The following RCAN3 variants were observed in gnomAD, a reference collection of about 807,000 sequenced individuals.
RCAN3 encodes the protein calcipressin-3.
A neutral mutation model predicts 21.9 loss-of-function variants in RCAN3; 19 were observed. The observed-to-expected ratio is 0.87, with a 90% CI of 0.61 to 1.27. RCAN3 has a LOEUF of 1.27. Among genes scored for constraint, RCAN3 ranks in the 50% most tolerant of loss-of-function variants. RCAN3 has a pLI of 0.00. For synonymous variants in RCAN3, 114 were observed against 112.3 expected (o/e 1.01, Z -0.09); for missense variants, 240 against 300.1 (o/e 0.80, Z 1.48).
chr1:24,526,960 A>G (rs1649320286), intron 2 of RCAN3, among the ~76,000 whole-genome samples: 1 of 152,148 alleles, frequency 6.6e-6, no homozygotes, highest in South Asian at 2.1e-4. Flanking sequence ...ATACTTACAT[A>G]TTCACCTTCC....
chr1:24,511,386 A>G (rs977053445), intron 1 of RCAN3, among the ~76,000 whole-genome samples: 2 of 152,144 alleles, frequency 1.3e-5, no homozygotes, highest in African/African-American at 4.8e-5. Flanking sequence ...CACAACATGT[A>G]TTCATTGATT....
chr1:24,532,653 G>C (rs1442691463), intron 3 of RCAN3, among the ~76,000 whole-genome samples: 3 of 150,412 alleles, frequency 2.0e-5, no homozygotes, highest in Non-Finnish European at 4.4e-5. Context: ...ATTATAGACT[G>C]TTTACAAGAA....
At position 24,535,267 on chromosome 1, in the gene RCAN3, G is replaced by T; in HGVS notation, c.716G>T (p.Cys239Phe). 1 of 1,545,418 alleles carries T rather than the reference G, an allele frequency of 6.5e-7. No homozygotes were observed. Among genetic ancestry groups the T allele is most frequent in the Non-Finnish European group, 8.7e-7 (1 of 1,152,660 alleles). ...TTGAATGAGCCCCAGACCTTTGATT[G>T]CGCGCTGTGAGGCCCTTGGTTGTGG... The part of the protein sequence containing the change: ...AALNEPQTFD[C>F]AL Residue 239 changes from cysteine (C) to phenylalanine (F), a missense_variant, in exon 5 of 5, where the codon TGC becomes TTC. Coordinates refer to ENST00000374395, the MANE Select transcript of RCAN3 (RefSeq NM_013441.4).
In RCAN3 at chr1:24,535,269, G is replaced by A. The variant is rs553942744; in HGVS notation, c.718G>A (p.Ala240Thr). 5.3e-5 allele frequency: 82 copies of A among 1,539,352 alleles called. 1 individual carries two copies. The South Asian group carries it at 9.9e-4, about 19-fold the overall frequency. Residue 240 changes from alanine to threonine, a missense_variant, in exon 5 of 5, where the codon GCG becomes ACG. Transcript: ENST00000374395. ...GAATGAGCCCCAGACCTTTGATTGC[G>A]CGCTGTGAGGCCCTTGGTTGTGGTG... is the stretch of plus-strand genomic sequence containing the variant. ...ALNEPQTFDC[A>T]L is the part of the protein sequence containing the mutation.
At chr1:24,513,233 T>C (rs959466948) in intron 1 of RCAN3, among the ~76,000 whole-genome samples, 4 of 151,728 alleles carry the variant, frequency 2.6e-5, no homozygotes, top group African/African-American at 9.7e-5. Context: ...CGAGACTCTG[T>C]CTCAAAAAAA....
At chr1:24,519,188 G>A (rs1346669363) in intron 2 of RCAN3, among the ~76,000 whole-genome samples, 1 of 151,520 alleles carries the variant, frequency 6.6e-6, no homozygotes. Context: ...TGTTATTACA[G>A]GCGTGAGCCA....
At chr1:24,515,888 T>C (rs1648277761) in intron 2 of RCAN3, among the ~76,000 whole-genome samples, 1 of 152,182 alleles carries the variant, frequency 6.6e-6, no homozygotes, top group South Asian at 2.1e-4. Flanking sequence ...CTCATGCTTG[T>C]AGTCCCAGTA....
intron 1 of RCAN3, 26 bp from the exon 2 acceptor site, chr1:24,514,288 C>T: frequency 3.2e-6 from 4 of 1,239,262 alleles, no homozygotes; most frequent in Admixed American, 2.6e-5. Context: ...GGAGTTTTAC[C>T]TCTGCATTTT....
At chr1:24,516,486 CT>C (rs1261224821) in intron 2 of RCAN3, among the ~76,000 whole-genome samples, 6 of 151,974 alleles carry the variant, frequency 3.9e-5, no homozygotes, top group African/African-American at 1.2e-4. Flanking sequence ...GAGAAAAGAG[CT>C]GAATCGGGAG....
rs753114485 is a variant in RCAN3 at position 24,535,101 on chromosome 1, T to C, written c.550T>C (p.Tyr184His). The stretch of plus-strand genomic sequence containing the variant: ...TTTGTTTGCCTCTGCAGGAGAGAAA[T>C]ATGAACTTCACGCGGGAACAGAGTC... ...AVSKLGPGEK[Y>H]ELHAGTESTP... Residue 184 changes from tyrosine to histidine, a missense_variant, in exon 5 of 5, where the codon TAT (tyrosine) becomes CAT (histidine). By Grantham distance (83) the Tyr-to-His change is moderately conservative (BLOSUM62 2). Transcript: ENST00000374395. 2 of 1,595,098 alleles carry C rather than the reference T, an allele frequency of 1.3e-6. No homozygotes were observed. The highest frequency in any genetic ancestry group is 4.6e-5 in the East Asian group (2 of 43,398).
rs1177179198 is a variant in RCAN3, at chr1:24,535,404, A to T, written c.*127A>T. The stretch of plus-strand genomic sequence containing the variant: ...TGCCGAGTGAGGTATAGGTCTTCTC[A>T]CCACGCCTGTACTGCAGACACGGTC... On this transcript the variant is annotated 3_prime_UTR_variant, in exon 5 of 5. Coordinates refer to ENST00000374395, the MANE Select transcript of RCAN3 (RefSeq NM_013441.4). The T allele has an allele frequency of 1.9e-6, 2 of 1,029,948 alleles. No individual in the cohort carries two copies. Among genetic ancestry groups the T allele is most frequent in the Non-Finnish European group, 2.7e-6 (2 of 751,172 alleles). 63.8% of individuals were successfully genotyped at this position (1,029,948 alleles called of 1,614,324 possible). A position where few individuals can be genotyped will look rare whatever the true frequency, so the allele number is the denominator to read the frequency against.
intron 2 of RCAN3, among the ~76,000 whole-genome samples, chr1:24,524,435 C>T (rs141382832): frequency 1.5e-3 from 229 of 152,294 alleles, no homozygotes; most frequent in African/African-American, 5.2e-3. Flanking sequence ...ATTCTGCTCC[C>T]CTCTAGCACT....
chr1:24,530,356 C>CAAAAAA (rs56914359), intron 2 of RCAN3, among the ~76,000 whole-genome samples: 892 of 81,452 alleles, frequency 0.011, 60 homozygotes, highest in African/African-American at 0.041. Context: ...CTCTTATCTC[C>CAAAAAA]AAAAAAAAAA....
At chr1:24,519,041 G>T (rs1174928232) in intron 2 of RCAN3, among the ~76,000 whole-genome samples, 1 of 152,094 alleles carries the variant, frequency 6.6e-6, no homozygotes, top group African/African-American at 2.4e-5. Flanking sequence ...CTCCCAAAAT[G>T]CTGGGACTAC....
chr1:24,503,738 C>A (rs1647251206), intron 1 of RCAN3, among the ~76,000 whole-genome samples: 1 of 152,216 alleles, frequency 6.6e-6, no homozygotes, highest in Admixed American at 6.5e-5. Context: ...AGGAAGCAAT[C>A]CAGATCCGTG....
chr1:24,514,507 G>A lies in RCAN3; in HGVS notation c.135G>A (p.Leu45=), dbSNP rs1416507997. ...DLDEMMDLSD[L]PTSLFACSVH... ...ATGAGATGATGGATTTAAGTGATCTGCCTACCTCACTTTTTGCTTGCAGCG... is the reference window on the plus strand; with the variant it reads ...ATGAGATGATGGATTTAAGTGATCTACCTACCTCACTTTTTGCTTGCAGCG... Residue 45 remains leucine (L), a synonymous_variant, in exon 2 of 5, where the codon CTG becomes CTA. Coordinates refer to ENST00000374395, the MANE Select transcript of RCAN3 (RefSeq NM_013441.4). 6.2e-7 allele frequency: 1 copy of A among 1,614,138 alleles called. No homozygotes were observed. The highest frequency in any genetic ancestry group is 8.5e-7 in the Non-Finnish European group (1 of 1,180,024).
chr1:24,511,160 A>C (rs974616707), intron 1 of RCAN3, among the ~76,000 whole-genome samples: 2 of 152,110 alleles, frequency 1.3e-5, no homozygotes, highest in Non-Finnish European at 2.9e-5. Flanking sequence ...AAAAATACAA[A>C]AAATTAGCTG....
chr1:24,502,759 CCCCCGCCCCGGT>C (rs1041342114), upstream of RCAN3: 10 of 151,158 alleles, frequency 6.6e-5, no homozygotes, highest in Admixed American at 2.0e-4. Flanking sequence ...CCCCCGCGCG[CCCCCGCCCCGGT>C]CCCCGCCCGG....
chr1:24,503,353 G>A (rs1335725638), intron 1 of RCAN3, among the ~76,000 whole-genome samples: 1 of 152,062 alleles, frequency 6.6e-6, no homozygotes, highest in Admixed American at 6.5e-5. Flanking sequence ...TCTCGCGCGC[G>A]GGGTCTAGTC....
Sources: gnomAD v4.1 joint callset for allele counts (sites outside exome capture counted in the v4.1 genomes callset) on GRCh38, gnomAD v4.1.1 for gene constraint, MANE v1.5 for transcripts, NCBI Gene and HGNC (gene_info 2026-07-23, HGNC 2026-07-21) for gene names.